ADGRV1: variants seen among roughly 807,000 people sequenced by gnomAD.
ADGRV1 encodes adhesion G protein-coupled receptor V1.
Under a neutral mutation model 596.2 loss-of-function variants are expected in ADGRV1, and 359 were observed. The observed-to-expected ratio is 0.60, with a 90% CI of 0.55 to 0.66. The LOEUF (loss-of-function observed/expected upper bound fraction) is 0.66. Ranked by LOEUF, ADGRV1 falls within the 30% of genes least tolerant of loss-of-function variation. The probability of loss-of-function intolerance (pLI) is 0.00; values close to 1 mark genes in which losing one functional copy is unlikely to be tolerated. For synonymous variants in ADGRV1, 2,681 were observed against 2,679.2 expected (o/e 1.00, Z -0.02); for missense variants, 7,274 against 7,575.6 (o/e 0.96, Z 1.48).
At chr5:91,057,797 A>G (rs1366141288) in intron 85 of ADGRV1, among the ~76,000 whole-genome samples, 1 of 152,104 alleles carries the variant, frequency 6.6e-6, no homozygotes, top group East Asian at 1.9e-4. Flanking sequence ...CTCTCCTTCT[A>G]ACGGAATTAG....
At chr5:91,039,641 C>T (rs140401801) in intron 85 of ADGRV1, among the ~76,000 whole-genome samples, 96 of 152,156 alleles carry the variant, frequency 6.3e-4, no homozygotes, top group African/African-American at 2.1e-3. Flanking sequence ...TGTCCACTTC[C>T]GATAAGTAAA....
intron 85 of ADGRV1, among the ~76,000 whole-genome samples, chr5:91,068,856 G>A (rs564565297): frequency 3.3e-5 from 5 of 151,010 alleles, no homozygotes; most frequent in Non-Finnish European, 7.4e-5. Context: ...CAAAAAGAAC[G>A]AAGCCAGAGG....
At chr5:90,740,450 A>G (rs1484430864) in intron 50 of ADGRV1, among the ~76,000 whole-genome samples, 2 of 152,196 alleles carry the variant, frequency 1.3e-5, no homozygotes, top group African/African-American at 4.8e-5. Context: ...ATAATTATCA[A>G]CATGCCGCTA....
chr5:90,572,529 C>T (rs73177822), intron 1 of ADGRV1, among the ~76,000 whole-genome samples: 10,091 of 151,964 alleles, frequency 0.066, 1,006 homozygotes, highest in African/African-American at 0.22. Context: ...TAAAACTGCA[C>T]ACCTACAACC....
chr5:91,022,273 C>T (rs978653877), intron 85 of ADGRV1, among the ~76,000 whole-genome samples: 3 of 152,028 alleles, frequency 2.0e-5, no homozygotes, highest in African/African-American at 7.2e-5. Context: ...GACAGATCTT[C>T]ATGAGTAGAA....
intron 77 of ADGRV1, among the ~76,000 whole-genome samples, chr5:90,836,569 G>C (rs957527818): frequency 6.6e-6 from 1 of 152,156 alleles, no homozygotes; most frequent in African/African-American, 2.4e-5. Context: ...CAGAGATTAA[G>C]GAGGGAATGG....
At chr5:91,068,445 G>C (rs199727658) in intron 85 of ADGRV1, among the ~76,000 whole-genome samples, 2 of 151,344 alleles carry the variant, frequency 1.3e-5, no homozygotes, top group East Asian at 3.9e-4. Context: ...CTTGAGCCTG[G>C]ATGACAGAGC....
chr5:91,077,427 A>G (rs1788951944), intron 86 of ADGRV1, among the ~76,000 whole-genome samples: 1 of 152,258 alleles, frequency 6.6e-6, no homozygotes, highest in South Asian at 2.1e-4. Context: ...ACAAGTAACC[A>G]TCCCTTACAC....
At chr5:90,620,249 C>A (rs1313158803) in intron 4 of ADGRV1, among the ~76,000 whole-genome samples, 1 of 152,054 alleles carries the variant, frequency 6.6e-6, no homozygotes, top group African/African-American at 2.4e-5. Flanking sequence ...TCTCCACATC[C>A]TCTCCAGCAC....
intron 9 of ADGRV1, among the ~76,000 whole-genome samples, chr5:90,631,146 G>A (rs1765445734): frequency 6.6e-6 from 1 of 152,270 alleles, no homozygotes; most frequent in East Asian, 1.9e-4. Context: ...GAACTTGAAA[G>A]GTATTGTTGT....
At chr5:90,623,752 T>A (rs1172531267) in intron 5 of ADGRV1, among the ~76,000 whole-genome samples, 1 of 152,120 alleles carries the variant, frequency 6.6e-6, no homozygotes. Context: ...ATGGATGGTG[T>A]TTGTAGCCAT....
chr5:90,977,868 C>A (rs184917369), intron 84 of ADGRV1, among the ~76,000 whole-genome samples: 3 of 152,162 alleles, frequency 2.0e-5, no homozygotes, highest in African/African-American at 7.2e-5. Flanking sequence ...GCCTGAATTA[C>A]TAATTCTGAA....
rs113138167 is a variant in ADGRV1 at position 91,116,008 on chromosome 5, A to G, written c.18432+13668A>G. ...ACAAAGGGCAACTACAACTAAAGGT[A>G]CTTGCGCCAAATGGATAGCACTCCA... On this transcript the variant is annotated intron_variant, in intron 87 of 89. Transcript: ENST00000405460. Among the ~76,000 whole-genome samples the G allele has an allele frequency of 5.9e-3, 895 of 152,314 alleles. 4 individuals are homozygous for G. Among genetic ancestry groups the G allele is most frequent in the Non-Finnish European group, 0.01 (707 of 68,020 alleles).
intron 83 of ADGRV1, among the ~76,000 whole-genome samples, chr5:90,889,487 A>G (rs1770606876): frequency 6.6e-6 from 1 of 152,036 alleles, no homozygotes; most frequent in Non-Finnish European, 1.5e-5. Context: ...CCCCTTAAGT[A>G]TATATTCTTA....
At chr5:91,151,736 C>A (rs1427710749) in intron 88 of ADGRV1, among the ~76,000 whole-genome samples, 2 of 152,192 alleles carry the variant, frequency 1.3e-5, no homozygotes, top group Non-Finnish European at 2.9e-5. Context: ...GTCAGTTTAT[C>A]ATTCACCCTC....
At chr5:90,597,194 C>T (rs1318127769) in intron 1 of ADGRV1, among the ~76,000 whole-genome samples, 1 of 152,104 alleles carries the variant, frequency 6.6e-6, no homozygotes, top group African/African-American at 2.4e-5. Context: ...CCACTATAAT[C>T]AAAAGTTTGC....
chr5:90,662,743 C>A (rs983599903), intron 21 of ADGRV1, among the ~76,000 whole-genome samples: 1 of 151,978 alleles, frequency 6.6e-6, no homozygotes, highest in Non-Finnish European at 1.5e-5. Flanking sequence ...GTATATCTCC[C>A]AATGCTATCC....
chr5:90,954,492 A>G (rs376915901), intron 83 of ADGRV1, among the ~76,000 whole-genome samples: 1 of 152,164 alleles, frequency 6.6e-6, no homozygotes, highest in South Asian at 2.1e-4. Flanking sequence ...CTAAAGACAT[A>G]TAAAGGAAGT....
At chr5:91,152,731 A>G (rs1036258781) in intron 88 of ADGRV1, among the ~76,000 whole-genome samples, 1 of 152,158 alleles carries the variant, frequency 6.6e-6, no homozygotes, top group African/African-American at 2.4e-5. Flanking sequence ...CAGTGGCATG[A>G]TCATAGCCCA....
Sources: gnomAD v4.1 joint callset for allele counts (sites outside exome capture counted in the v4.1 genomes callset) on GRCh38, gnomAD v4.1.1 for gene constraint, MANE v1.5 for transcripts, NCBI Gene and HGNC (gene_info 2026-07-23, HGNC 2026-07-21) for gene names.